Variants in ITGB5 observed in about 807,000 individuals in gnomAD.
ITGB5 encodes integrin beta-5.
A neutral mutation model predicts 84.8 loss-of-function variants in ITGB5; 38 were observed. The ratio of observed to expected loss-of-function variants is 0.45; its 90% CI spans 0.35 to 0.59. The LOEUF is 0.59. Ranked by LOEUF, ITGB5 falls within the 20% of genes least tolerant of loss-of-function variation. The pLI is 0.01. For synonymous variants in ITGB5, 393 were observed against 414.4 expected, an observed-to-expected ratio of 0.95 and a Z score of 0.63; for missense variants, 905 against 1,034.5, an observed-to-expected ratio of 0.87 and a Z score of 1.72.
chr3:124,834,612 G>A (rs2064906623), intron 5 of ITGB5, among the ~76,000 whole-genome samples: 1 of 108,204 alleles, frequency 9.2e-6, no homozygotes. Context: ...GAGAGAGAAG[G>A]GAAGGATGGG....
rs558814937 is a variant in ITGB5, at chr3:124,850,728, A to G, written c.362-2170T>C. Among the ~76,000 whole-genome samples the G allele has an allele frequency of 1.1e-4, 17 of 151,764 alleles. No homozygotes were observed. In the East Asian group the frequency reaches 3.3e-3, roughly 29 times the overall value. On this transcript the variant is annotated intron_variant, in intron 3 of 14. Transcript: ENST00000296181. ...TAAAAAAACAAAAAAAAAAACCATC[A>G]GAGTCTGACTCAAACAGAGGAATGT...
chr3:124,807,344 A>C (rs2064421229), intron 9 of ITGB5, among the ~76,000 whole-genome samples: 1 of 152,218 alleles, frequency 6.6e-6, no homozygotes, highest in African/African-American at 2.4e-5. Context: ...CGAACCTGGG[A>C]AGCGGAGGTT....
At chr3:124,836,128 G>A (rs189362894) in intron 5 of ITGB5, among the ~76,000 whole-genome samples, 65 of 152,144 alleles carry the variant, frequency 4.3e-4, no homozygotes, top group African/African-American at 1.5e-3. Flanking sequence ...CTTCCATGGA[G>A]GCAGCCGATA....
intron 4 of ITGB5, among the ~76,000 whole-genome samples, chr3:124,843,803 C>T (rs977786234): frequency 1.3e-5 from 2 of 151,974 alleles, no homozygotes; most frequent in African/African-American, 2.4e-5. Flanking sequence ...GCTGTGAGAC[C>T]CCAAATAAGC....
chr3:124,801,028 C>T (rs1030179888), intron 9 of ITGB5, among the ~76,000 whole-genome samples: 1 of 152,222 alleles, frequency 6.6e-6, no homozygotes, highest in African/African-American at 2.4e-5. Context: ...CAGCCCCCAC[C>T]CTGAACCCAC....
intron 5 of ITGB5, among the ~76,000 whole-genome samples, chr3:124,835,346 A>C (rs1427000696): frequency 6.6e-6 from 1 of 152,276 alleles, no homozygotes; most frequent in East Asian, 1.9e-4. Context: ...AGAAGGATTC[A>C]GAAGTGCACA....
intron 5 of ITGB5, among the ~76,000 whole-genome samples, chr3:124,838,358 A>G (rs1335898602): frequency 6.6e-6 from 1 of 152,180 alleles, no homozygotes; most frequent in African/African-American, 2.4e-5. Flanking sequence ...TCCATTTCCA[A>G]TCTTTTCCAC....
At position 124,859,248 on chromosome 3, in the gene ITGB5, G is replaced by A. The variant is rs1037360132; in HGVS notation, c.355C>T (p.Arg119Trp). The A allele has an allele frequency of 1.6e-5, 26 of 1,613,620 alleles. No individual in the cohort carries two copies. In the African/African-American group the frequency reaches 2.4e-4, roughly 15 times the overall value. The change falls in exon 3 of 15, where the codon CGG becomes TGG. Residue 119 changes from arginine (R) to tryptophan (W), a missense_variant. By Grantham distance (101) the Arg-to-Trp change is moderately radical (BLOSUM62 -3). Coordinates refer to ENST00000296181, the MANE Select transcript of ITGB5 (RefSeq NM_002213.5). ...CTTTCTGTGGGCAACTCACCGGGCC[G>A]GAGGTTCACGGCAATCTCCTGTGGT... is the stretch of plus-strand genomic sequence containing the variant. The part of the protein sequence containing the change: ...MTPQEIAVNL[R>W]PGDKTTFQLQ...
chr3:124,793,245 C>T (rs1308702524), intron 10 of ITGB5: 3 of 152,216 alleles, frequency 2.0e-5, no homozygotes, highest in African/African-American at 7.2e-5. Flanking sequence ...CGCCCTTGCT[C>T]CCAGGCTGCA....
intron 1 of ITGB5, among the ~76,000 whole-genome samples, chr3:124,898,423 C>T (rs912410959): frequency 6.6e-6 from 1 of 150,966 alleles, no homozygotes; most frequent in African/African-American, 2.4e-5. Flanking sequence ...GCAGGCGGAT[C>T]ACGACGTCAG....
At chr3:124,841,284 G>A (rs542269947) in intron 5 of ITGB5, 99 bp downstream of exon 5, 7 of 1,163,848 alleles carry the variant, frequency 6.0e-6, no homozygotes, top group Non-Finnish European at 8.6e-6. Context: ...GGAGCCACAT[G>A]CTGGGGCACT....
chr3:124,862,810 C>T (rs778457810), intron 2 of ITGB5: 2 of 152,150 alleles, frequency 1.3e-5, no homozygotes, highest in Admixed American at 6.5e-5. Context: ...CCAGTGCATA[C>T]GAGGCTTCCC....
At chr3:124,764,647 A>C in intron 13 of ITGB5, 90 bp from the exon 14 acceptor site, 1 of 1,340,126 alleles carries the variant, frequency 7.5e-7, no homozygotes, top group Non-Finnish European at 1.0e-6. Context: ...TGAAAGTTGC[A>C]CCCCTTCCAA....
At chr3:124,871,083 G>A (rs971300080) in intron 2 of ITGB5, among the ~76,000 whole-genome samples, 1 of 152,066 alleles carries the variant, frequency 6.6e-6, no homozygotes, top group African/African-American at 2.4e-5. Flanking sequence ...TAGAGACGGG[G>A]TTTCGTCATG....
rs1305822713 is a variant in ITGB5 at position 124,808,881 on chromosome 3, AG to A, written c.1263+140del. ...TGAACACATCATGCAAAACAGGCTT[AG>A]GAGACTCCTCTGGGATGCTGAATTG... On this transcript the variant is annotated intron_variant, in intron 9 of 14. Transcript: ENST00000296181. The A allele has an allele frequency of 2.3e-5, 21 of 894,744 alleles. No homozygotes were observed. The African/African-American group carries it at 3.5e-4, about 15-fold the overall frequency. The allele number at this position is 894,744 out of a possible 1,614,324, so 55.4% of individuals were successfully genotyped here.
chr3:124,847,957 G>T (rs17309224), intron 4 of ITGB5, among the ~76,000 whole-genome samples: 29,648 of 152,026 alleles, frequency 0.2, 2,985 homozygotes, highest in Admixed American at 0.22. Flanking sequence ...GTTACTACAA[G>T]CAAGGGGAAA....
At chr3:124,799,106 C>T (rs1372704597) in intron 9 of ITGB5, among the ~76,000 whole-genome samples, 1 of 152,284 alleles carries the variant, frequency 6.6e-6, no homozygotes, top group South Asian at 2.1e-4. Flanking sequence ...CCTTACCTTC[C>T]ATCTCTGTGG....
chr3:124,801,966 C>T (rs1579219690), intron 9 of ITGB5, among the ~76,000 whole-genome samples: 1 of 152,260 alleles, frequency 6.6e-6, no homozygotes, highest in East Asian at 1.9e-4. Context: ...GGGAGGCCCA[C>T]TGATGGGACC....
At chr3:124,887,535 T>A (rs925483745), upstream of ITGB5, 6 of 239,338 alleles carry the variant, frequency 2.5e-5, no homozygotes, top group South Asian at 2.2e-4. Context: ...AGCTCCGCCC[T>A]GTGCGGGGAC....
Sources: allele counts gnomAD v4.1 joint callset (sites outside exome capture counted in the v4.1 genomes callset), GRCh38; gene constraint gnomAD v4.1.1; transcripts MANE v1.5; gene names NCBI Gene and HGNC (gene_info 2026-07-23, HGNC 2026-07-21).